The following CANX variants were observed in gnomAD, a reference collection of about 807,000 sequenced individuals.
CANX encodes the protein calnexin.
CANX carries 14 observed loss-of-function variants against 75.7 expected under a neutral mutation model. The ratio of observed to expected loss-of-function variants is 0.19; its 90% CI spans 0.12 to 0.29. The LOEUF (loss-of-function observed/expected upper bound fraction) is 0.29, where lower values mean the gene tolerates loss of function less well. CANX is among the 10% of genes least tolerant of loss of function. The pLI is 1.00. For synonymous variants in CANX, 227 were observed against 236.9 expected (o/e 0.96, Z 0.38); for missense variants, 567 against 713.2 (o/e 0.79, Z 2.34).
intron 3 of CANX, 96 bp from the exon 4 acceptor site, chr5:179,707,036 G>C (rs1310233721): frequency 2.6e-6 from 2 of 762,662 alleles, no homozygotes; most frequent in Non-Finnish European, 4.8e-6. Flanking sequence ...AATAGGCTAA[G>C]AGCAGAATAG....
chr5:179,720,160 T>A (rs181132619), intron 9 of CANX, among the ~76,000 whole-genome samples: 4 of 152,328 alleles, frequency 2.6e-5, no homozygotes, highest in Non-Finnish European at 4.4e-5. Context: ...GAAGTCAATC[T>A]TAATACTTAA....
chr5:179,715,740 G>T (rs781240345), intron 7 of CANX, among the ~76,000 whole-genome samples: 1 of 151,834 alleles, frequency 6.6e-6, no homozygotes, highest in South Asian at 2.1e-4. Context: ...GGAAGTAGTT[G>T]TAAGTCCACG....
chr5:179,721,965 C>T (rs1374089009), intron 10 of CANX, among the ~76,000 whole-genome samples: 2 of 151,832 alleles, frequency 1.3e-5, no homozygotes, highest in Non-Finnish European at 2.9e-5. Context: ...TCCTCATAGT[C>T]GTTAAAGATG....
At chr5:179,678,734 G>C (rs1386015065) in exon 1 of CANX, 2 of 1,536,936 alleles carry the variant, frequency 1.3e-6, no homozygotes, top group Non-Finnish European at 1.7e-6. Context: ...GCGCGCCATG[G>C]TCTCAGTCAG....
intron 12 of CANX, 115 bp downstream of exon 12, chr5:179,723,894 C>CTTGGT: frequency 2.2e-6 from 2 of 910,838 alleles, no homozygotes; most frequent in Non-Finnish European, 3.3e-6. Context: ...AATGACCAAG[C>CTTGGT]CATGTTTGGT....
intron 7 of CANX, among the ~76,000 whole-genome samples, chr5:179,710,751 C>T (rs989376305): frequency 2.0e-4 from 27 of 135,684 alleles, no homozygotes; most frequent in Non-Finnish European, 3.8e-4. Flanking sequence ...GTACCCCAGC[C>T]TCCAAACAAG....
At chr5:179,698,464 C>T (rs761415176), upstream of CANX, 8 of 1,289,120 alleles carry the variant, frequency 6.2e-6, no homozygotes, top group Non-Finnish European at 8.1e-6. Context: ...CTGCTCACGC[C>T]CGTAGGGGCC....
In CANX at chr5:179,705,794, T is replaced by A; in HGVS notation, c.113T>A (p.Val38Asp). The A allele has an allele frequency of 1.2e-6, 2 of 1,613,056 alleles. No individual in the cohort carries two copies. The highest frequency in any genetic ancestry group is 1.7e-6 in the Non-Finnish European group (2 of 1,179,046). Residue 38 changes from valine to aspartate, a missense_variant, in exon 2 of 15, where the codon GTC becomes GAC. By Grantham distance (152) the Val-to-Asp change is radical. Transcript: ENST00000247461. The part of the protein sequence containing the change: ...VIDIEDDLDD[V>D]IEEVEDSKPD... Reference sequence around the variant, plus strand: ...GATATTGAGGATGACCTTGACGATGTCATTGAAGAGGTAGAAGACTCAAAA... The same window carrying A: ...GATATTGAGGATGACCTTGACGATGACATTGAAGAGGTAGAAGACTCAAAA...
At chr5:179,695,221 T>G (rs139980226), upstream of CANX, among the ~76,000 whole-genome samples, 949 of 151,716 alleles carry the variant, frequency 6.3e-3, 10 homozygotes, top group African/African-American at 0.021. Context: ...GCTAATTTTT[T>G]TGTGTGTGTG....
At chr5:179,699,206 C>G (rs1360299657) in intron 1 of CANX, 104 bp downstream of exon 1, 1 of 689,808 alleles carries the variant, frequency 1.4e-6, no homozygotes, top group South Asian at 5.9e-5. Context: ...ACTGAGGGGT[C>G]GGGCTGGCTC....
Position 179,728,906 on chromosome 5 carries a change from CT to C in CANX, c.*274del, listed in dbSNP as rs397724671. ...TGAAATGTAACATGAAGCAAACTAA[CT>C]TTTTTTTTTTTAACATCTTTGTTTT... On this transcript the variant is annotated 3_prime_UTR_variant, in exon 15 of 15. Transcript: ENST00000247461. 0.079 allele frequency: 28,230 copies of C among 356,552 alleles called. 56 individuals are homozygous for C. Among genetic ancestry groups the C allele is most frequent in the South Asian group, 0.12 (3,656 of 30,642 alleles). 22.1% of individuals were successfully genotyped at this position (356,552 alleles called of 1,614,324 possible).
At chr5:179,688,356 G>T (rs1776229553) in intron 1 of CANX, among the ~76,000 whole-genome samples, 1 of 131,236 alleles carries the variant, frequency 7.6e-6, no homozygotes, top group Non-Finnish European at 1.6e-5. Context: ...CCTGGCCTAA[G>T]GTCAATTTTT....
rs751992765 is a variant in CANX at position 179,722,858 on chromosome 5, C to G, written c.1237C>G (p.Pro413Ala). 1.2e-6 allele frequency: 2 copies of G among 1,613,718 alleles called. No homozygotes were observed. Among genetic ancestry groups the G allele is most frequent in the Non-Finnish European group, 1.7e-6 (2 of 1,179,828 alleles). ...TCCAGATTTCTTTGAAGATCTGGAA[C>G]CTTTCAGAATGACTCCTTTTAGTGC... is the stretch of plus-strand genomic sequence containing the variant. ...PNPDFFEDLE[P>A]FRMTPFSAIG... The change falls in exon 11 of 15, where the codon CCT becomes GCT. Residue 413 changes from proline to alanine, a missense_variant. Around this residue, in one of 3 missense-constraint regions of CANX, gnomAD observed 49 missense variants for 100.1 expected, o/e 0.49. Transcript: ENST00000247461.
intron 1 of CANX, among the ~76,000 whole-genome samples, chr5:179,690,604 A>G (rs890167946): frequency 7.4e-6 from 1 of 134,876 alleles, no homozygotes; most frequent in Non-Finnish European, 1.6e-5. Flanking sequence ...AAAAAATCTG[A>G]AAAAAGGCTG....
Position 179,717,777 on chromosome 5 carries a change from G to A in CANX, c.911+1483G>A, listed in dbSNP as rs148131088. On this transcript the variant is annotated intron_variant, in intron 8 of 14. Coordinates refer to ENST00000247461, the MANE Select transcript of CANX (RefSeq NM_001746.4). ...GTCGCCCAGGCTGGAGTGCAGTGGC[G>A]CCATCACGGCTCACTGCAACCTCTG... is the stretch of plus-strand genomic sequence containing the variant. 7.4e-3 allele frequency among the ~76,000 whole-genome samples: 1,112 copies of A among 149,600 alleles called. 17 individuals carry two copies. The highest frequency in any genetic ancestry group is 0.026 in the African/African-American group (1,071 of 40,644).
At chr5:179,695,712 G>A (rs1474976329), upstream of CANX, among the ~76,000 whole-genome samples, 2 of 151,046 alleles carry the variant, frequency 1.3e-5, no homozygotes, top group South Asian at 2.1e-4. Context: ...GTGCTGTGGC[G>A]CAATCTCCGC....
chr5:179,696,441 A>G (rs1776406250), upstream of CANX, among the ~76,000 whole-genome samples: 1 of 151,420 alleles, frequency 6.6e-6, no homozygotes, highest in African/African-American at 2.4e-5. Context: ...ATGCCCGGCT[A>G]ATTTTTGTAT....
upstream of CANX, among the ~76,000 whole-genome samples, chr5:179,696,267 C>CTTTTTT (rs34048949): frequency 2.6e-3 from 146 of 56,748 alleles, 1 homozygote; most frequent in African/African-American, 9.0e-3. Flanking sequence ...AGTGTCATTT[C>CTTTTTT]TTTTTTTTTT....
chr5:179,725,881 G>A lies in CANX; in HGVS notation c.1646-799G>A, dbSNP rs550411176. Among the ~76,000 whole-genome samples the A allele has an allele frequency of 4.0e-5, 6 of 150,210 alleles. No individual in the cohort carries two copies. The South Asian group carries it at 6.4e-4, about 16-fold the overall frequency. ...CGGGCGCCTGTAGTCCCACCTATTC[G>A]GGAGGCTGAAGCAGGAGAATCACTT... On this transcript the variant is annotated intron_variant, in intron 13 of 14. Coordinates refer to ENST00000247461, the MANE Select transcript of CANX (RefSeq NM_001746.4).
Sources: gnomAD v4.1 joint callset for allele counts (sites outside exome capture counted in the v4.1 genomes callset) on GRCh38, gnomAD v4.1.1 for gene constraint, gnomAD v4.1.1 regional missense constraint, MANE v1.5 for transcripts, NCBI Gene and HGNC (gene_info 2026-07-23, HGNC 2026-07-21) for gene names.